Variants in PAICS observed in about 807,000 individuals in gnomAD.
PAICS encodes the protein phosphoribosylaminoimidazole carboxylase and phosphoribosylaminoimidazolesuccinocarboxamide synthase.
In PAICS, 33 loss-of-function variants were observed where a neutral mutation model predicts 53.7. That is an observed-to-expected ratio of 0.61 (90% CI 0.47 to 0.82). The LOEUF (loss-of-function observed/expected upper bound fraction) is 0.82, where lower values mean the gene tolerates loss of function less well. Ranked by LOEUF, PAICS falls within the 40% of genes least tolerant of loss-of-function variation. PAICS has a pLI of 0.00. For missense variants in PAICS, 394 were observed against 494.1 expected, an observed-to-expected ratio of 0.80 and a Z score of 1.92; for synonymous variants, 141 against 167.2, an observed-to-expected ratio of 0.84 and a Z score of 1.21.
At chr4:56,433,085 T>C (rs140640444), upstream of PAICS, among the ~76,000 whole-genome samples, 7 of 151,756 alleles carry the variant, frequency 4.6e-5, no homozygotes, top group East Asian at 1.4e-3. Context: ...AGCAGATAAT[T>C]GTATTTCCAA....
intron 2 of PAICS, among the ~76,000 whole-genome samples, chr4:56,444,386 C>G (rs773300949): frequency 3.3e-5 from 5 of 152,268 alleles, no homozygotes; most frequent in African/African-American, 4.8e-5. Context: ...CACAGAAACT[C>G]ACTATAATTA....
At chr4:56,438,507 C>A (rs910000995) in intron 1 of PAICS, among the ~76,000 whole-genome samples, 11 of 151,496 alleles carry the variant, frequency 7.3e-5, no homozygotes, top group African/African-American at 2.7e-4. Flanking sequence ...GATCTCAGCT[C>A]ACTGCACCCT....
chr4:56,430,804 G>T (rs910975279), upstream of PAICS, among the ~76,000 whole-genome samples: 45 of 151,938 alleles, frequency 3.0e-4, 1 homozygote, highest in African/African-American at 8.0e-4. Context: ...GCCAACAGAT[G>T]AGGAAACAGA....
chr4:56,453,381 C>T (rs1008482331), intron 7 of PAICS, among the ~76,000 whole-genome samples: 3 of 151,978 alleles, frequency 2.0e-5, no homozygotes, highest in Non-Finnish European at 2.9e-5. Flanking sequence ...ACAACCAAAC[C>T]GATTCCAGCT....
chr4:56,432,503 G>A (rs1204367549), upstream of PAICS, among the ~76,000 whole-genome samples: 2 of 146,046 alleles, frequency 1.4e-5, no homozygotes, highest in Non-Finnish European at 3.0e-5. Context: ...TCCAGCCTAG[G>A]TGACAGAGTG....
upstream of PAICS, chr4:56,431,628 C>A (rs1328328901): frequency 2.0e-6 from 1 of 489,808 alleles, no homozygotes; most frequent in Non-Finnish European, 2.6e-6. Flanking sequence ...AGTGATAATT[C>A]ATTGAATGGA....
the PAICS span, among the ~76,000 whole-genome samples, chr4:56,429,565 T>C: frequency 2.7e-5 from 4 of 150,516 alleles, no homozygotes; most frequent in African/African-American, 1.0e-4. Flanking sequence ...AGCTCCAGTC[T>C]CTCTTTGACC....
chr4:56,435,836 A>G (rs1002473761), upstream of PAICS: 29 of 1,499,256 alleles, frequency 1.9e-5, no homozygotes, highest in Non-Finnish European at 2.5e-5. Context: ...CAGTAGCGTA[A>G]TGGGAGTAAC....
intron 1 of PAICS, among the ~76,000 whole-genome samples, chr4:56,436,869 C>T (rs1040755135): frequency 7.9e-6 from 1 of 127,174 alleles, no homozygotes; most frequent in African/African-American, 3.4e-5. Flanking sequence ...TGGTGGCGCG[C>T]GCCTGTAATC....
At chr4:56,436,073 T>C, upstream of PAICS, 1 of 1,483,712 alleles carries the variant, frequency 6.7e-7, no homozygotes, top group Non-Finnish European at 8.9e-7. Flanking sequence ...GGAGGCGGGG[T>C]CGCGTCTCTG....
chr4:56,411,430 A>G, the PAICS span, among the ~76,000 whole-genome samples: 68 of 152,340 alleles, frequency 4.5e-4, 1 homozygote, highest in Non-Finnish European at 8.7e-4. Flanking sequence ...GAAGAAGAAC[A>G]GCTCCATTTT....
the PAICS span, among the ~76,000 whole-genome samples, chr4:56,415,864 G>C: frequency 6.6e-6 from 1 of 152,124 alleles, no homozygotes; most frequent in African/African-American, 2.4e-5. Context: ...GAGGTTAGGA[G>C]CTCGAGACCA....
intron 3 of PAICS, among the ~76,000 whole-genome samples, chr4:56,447,171 T>A (rs552068861): frequency 6.6e-6 from 1 of 152,068 alleles, no homozygotes; most frequent in South Asian, 2.1e-4. Flanking sequence ...TTGAAATCTT[T>A]TTATATTCTA....
chr4:56,428,946 T>G, the PAICS span: 9 of 956,242 alleles, frequency 9.4e-6, no homozygotes, highest in Non-Finnish European at 1.1e-5. Context: ...TAAGAATTAT[T>G]TGAAGGTCAC....
At position 56,464,321 on chromosome 4, in the gene PAICS, C is replaced by A. The variant is rs1398107895; in HGVS notation, c.*4783C>A. 1 of 152,128 alleles carries A rather than the reference C, an allele frequency of 6.6e-6. No homozygotes were observed. The highest frequency in any genetic ancestry group is 1.9e-4 in the East Asian group (1 of 5,194). 9.4% of individuals were successfully genotyped at this position (152,128 alleles called of 1,614,324 possible). Reference sequence around the variant, plus strand: ...AATGAATCTTGGAAGTCTCCAGAGGCAGACAATTTCAAAACACCGTATATA... The same window carrying A: ...AATGAATCTTGGAAGTCTCCAGAGGAAGACAATTTCAAAACACCGTATATA... On this transcript the variant is annotated 3_prime_UTR_variant, in exon 9 of 9. Transcript: ENST00000512576.
rs1169677475 is a variant in PAICS, at chr4:56,459,486, C to T, written c.1226C>T (p.Thr409Ile). 22 of 1,593,630 alleles carry T rather than the reference C, an allele frequency of 1.4e-5. No individual in the cohort carries two copies. Among genetic ancestry groups the T allele is most frequent in the Non-Finnish European group, 1.7e-5 (20 of 1,164,590 alleles). Residue 409 changes from threonine to isoleucine, a missense_variant, in exon 9 of 9, where the codon ACA (threonine) becomes ATA (isoleucine). Around this residue, in one of 3 missense-constraint regions of PAICS, gnomAD observed 95 missense variants for 89.3 expected, o/e 1.06. Transcript: ENST00000512576. ...WSKLRASILN[T>I]WISLKQADKK... ...AAACTGCGAGCAAGCATTTTGAACACATGGATTTCCTTGAAGCAGGCTGAC... is the reference window on the plus strand; with the variant it reads ...AAACTGCGAGCAAGCATTTTGAACATATGGATTTCCTTGAAGCAGGCTGAC...
chr4:56,435,684 A>C (rs1047810894), upstream of PAICS: 14 of 1,452,124 alleles, frequency 9.6e-6, no homozygotes, highest in Non-Finnish European at 1.3e-5. Context: ...CGAGTCCACC[A>C]ACGAGCGAGG....
chr4:56,439,735 G>A (rs1055191719), intron 1 of PAICS, among the ~76,000 whole-genome samples: 2 of 151,630 alleles, frequency 1.3e-5, no homozygotes, highest in Middle Eastern at 3.2e-3. Context: ...GGCCCACTGC[G>A]GCCTCGACCT....
chr4:56,418,682 GA>G, the PAICS span, among the ~76,000 whole-genome samples: 1 of 151,992 alleles, frequency 6.6e-6, no homozygotes, highest in African/African-American at 2.4e-5. Flanking sequence ...AAAACACAAA[GA>G]CCAAAGTTAA....
Sources: allele counts gnomAD v4.1 joint callset (sites outside exome capture counted in the v4.1 genomes callset), GRCh38; gene constraint gnomAD v4.1.1; regional missense constraint gnomAD v4.1.1; transcripts MANE v1.5; gene names NCBI Gene and HGNC (gene_info 2026-07-23, HGNC 2026-07-21).